MAP4K5: variants seen among roughly 807,000 people sequenced by gnomAD.
MAP4K5 encodes MAPK/ERK kinase kinase kinase 5.
In MAP4K5, 82 loss-of-function variants were observed where a neutral mutation model predicts 135.6. That is an observed-to-expected ratio of 0.60 (90% CI 0.51 to 0.73). The LOEUF (loss-of-function observed/expected upper bound fraction) is 0.73. Among genes scored for constraint, MAP4K5 ranks in the 30% least tolerant of loss-of-function variants. The pLI, the probability that MAP4K5 is intolerant of heterozygous loss-of-function variation, is 0.00. For synonymous variants in MAP4K5, 347 were observed against 335.0 expected, an observed-to-expected ratio of 1.04 and a Z score of -0.39; for missense variants, 907 against 1,010.9, an observed-to-expected ratio of 0.90 and a Z score of 1.39.
intron 3 of MAP4K5, among the ~76,000 whole-genome samples, chr14:50,491,686 T>C (rs1012124921): frequency 6.6e-6 from 1 of 150,606 alleles, no homozygotes; most frequent in Non-Finnish European, 1.5e-5. Flanking sequence ...TACTGAACTT[T>C]CTTTTTTTTT....
At chr14:50,533,128 T>C (rs2038441760), upstream of MAP4K5, 1 of 152,436 alleles carries the variant, frequency 6.6e-6, no homozygotes, top group Non-Finnish European at 1.5e-5. Flanking sequence ...TTCTACTTAG[T>C]TCTTCTGAGA....
chr14:50,474,287 G>A (rs557208098), intron 9 of MAP4K5, among the ~76,000 whole-genome samples: 1 of 151,956 alleles, frequency 6.6e-6, no homozygotes, highest in South Asian at 2.1e-4. Context: ...CTATTTCGGG[G>A]GCTGAAATGG....
intron 1 of MAP4K5, among the ~76,000 whole-genome samples, chr14:50,550,159 G>A (rs779705556): frequency 9.2e-5 from 14 of 152,176 alleles, no homozygotes; most frequent in South Asian, 2.1e-4. Context: ...GATGCCTGCT[G>A]GAGTGGTCAT....
chr14:50,450,210 G>A (rs1013674183), intron 14 of MAP4K5: 1 of 152,016 alleles, frequency 6.6e-6, no homozygotes, highest in Non-Finnish European at 1.5e-5. Flanking sequence ...GCCTCCCAAG[G>A]TGCTGGGATT....
intron 3 of MAP4K5, among the ~76,000 whole-genome samples, chr14:50,496,502 A>G (rs1325015527): frequency 1.3e-5 from 2 of 151,908 alleles, no homozygotes; most frequent in Non-Finnish European, 2.9e-5. Context: ...ATATTATTAT[A>G]TATATATTTC....
chr14:50,491,014 C>T (rs940717403), intron 3 of MAP4K5, among the ~76,000 whole-genome samples: 1 of 152,156 alleles, frequency 6.6e-6, no homozygotes, highest in East Asian at 1.9e-4. Context: ...TTGCACCCCT[C>T]GTGTATAAGG....
intron 2 of MAP4K5, among the ~76,000 whole-genome samples, chr14:50,528,402 TAAAAAAAAA>T (rs5808556): frequency 9.3e-6 from 1 of 107,072 alleles, no homozygotes; most frequent in Non-Finnish European, 1.9e-5. Context: ...ACCTAAGGTG[TAAAAAAAAA>T]AAAAAAAAAA....
intron 4 of MAP4K5, 72 bp downstream of exon 4, chr14:50,486,032 A>C (rs1367106527): frequency 3.0e-6 from 2 of 659,298 alleles, no homozygotes; most frequent in Admixed American, 3.4e-5. Context: ...TAGCACTTAC[A>C]TACAAGGGAG....
At chr14:50,536,739 C>G (rs530933849), upstream of MAP4K5, among the ~76,000 whole-genome samples, 1 of 152,338 alleles carries the variant, frequency 6.6e-6, no homozygotes, top group African/African-American at 2.4e-5. Flanking sequence ...AGCAAAGACA[C>G]TGGTGGCATT....
intron 2 of MAP4K5, among the ~76,000 whole-genome samples, chr14:50,513,393 G>A (rs1308198781): frequency 6.6e-6 from 1 of 152,046 alleles, no homozygotes; most frequent in Non-Finnish European, 1.5e-5. Flanking sequence ...GTAATATTAT[G>A]CAATTGCCAG....
intron 23 of MAP4K5, 109 bp downstream of exon 23, chr14:50,439,904 A>T (rs1482089824): frequency 2.7e-6 from 3 of 1,117,412 alleles, no homozygotes; most frequent in Non-Finnish European, 3.7e-6. Context: ...CAGAGTTACT[A>T]TATTAGATTA....
intron 28 of MAP4K5, among the ~76,000 whole-genome samples, chr14:50,430,059 CTGATT>C (rs1442017572): frequency 6.6e-6 from 1 of 151,602 alleles, no homozygotes; most frequent in East Asian, 1.9e-4. Flanking sequence ...ACCAATCAAC[CTGATT>C]TAAGGAATAT....
intron 10 of MAP4K5, 141 bp from the exon 11 acceptor site, chr14:50,466,786 T>G: frequency 2.1e-6 from 1 of 468,888 alleles, no homozygotes; most frequent in East Asian, 3.2e-5. Context: ...AGAAATTAAA[T>G]TTTTAATATT....
intron 21 of MAP4K5, among the ~76,000 whole-genome samples, chr14:50,441,976 T>C (rs1401835505): frequency 6.6e-6 from 1 of 151,972 alleles, no homozygotes; most frequent in East Asian, 1.9e-4. Flanking sequence ...ATAAAGTAAA[T>C]ATCGGGAGTG....
chr14:50,508,875 T>C (rs914782463), intron 2 of MAP4K5, among the ~76,000 whole-genome samples: 1 of 152,078 alleles, frequency 6.6e-6, no homozygotes, highest in African/African-American at 2.4e-5. Flanking sequence ...GTGATCCCAT[T>C]ACTGGGTATA....
In MAP4K5 at chr14:50,437,475, C is replaced by T; in HGVS notation, c.1882+1G>A. On this transcript the variant is annotated splice_donor_variant, in intron 26 of 32. Transcript: ENST00000682126. LOFTEE classifies it high-confidence loss of function. ...CAGTTTGAGAAATACCATTTACTCA[C>T]CTATGCAACATTTGTGGCAGCCTTT... The T allele has an allele frequency of 6.3e-7, 1 of 1,598,134 alleles. No homozygotes were observed. Among genetic ancestry groups the T allele is most frequent in the Non-Finnish European group, 8.5e-7 (1 of 1,172,428 alleles).
At chr14:50,479,161 TTC>T (rs2037178330) in intron 6 of MAP4K5, among the ~76,000 whole-genome samples, 1 of 149,624 alleles carries the variant, frequency 6.7e-6, no homozygotes, top group Non-Finnish European at 1.5e-5. Context: ...TTTCCCTTTT[TTC>T]TCTTTGTCTC....
rs2035851730 is a variant in MAP4K5 at position 50,426,557 on chromosome 14, T to A, written c.2327-580A>T. ...CTGACCAGTATGGTGAAACCCTGTC[T>A]CTACAAAAATACAAAAATTAGCCAG... On this transcript the variant is annotated intron_variant, in intron 30 of 32. Transcript: ENST00000682126. Among the ~76,000 whole-genome samples, 3 of 152,164 alleles carry A rather than the reference T, an allele frequency of 2.0e-5. No homozygotes were observed. In the South Asian group the frequency reaches 6.2e-4, roughly 32 times the overall value.
At chr14:50,428,834 T>C (rs545305844) in intron 29 of MAP4K5, 80 bp from the exon 30 acceptor site, 2 of 731,356 alleles carry the variant, frequency 2.7e-6, no homozygotes, top group African/African-American at 3.6e-5. Context: ...GGATTTTACA[T>C]GGATATCAAA....
Sources: allele counts gnomAD v4.1 joint callset (sites outside exome capture counted in the v4.1 genomes callset), GRCh38; gene constraint gnomAD v4.1.1; transcripts MANE v1.5; gene names NCBI Gene and HGNC (gene_info 2026-07-23, HGNC 2026-07-21).